ATXN1: variants seen among roughly 807,000 people sequenced by gnomAD.
ATXN1 encodes the protein ataxin-1.
ATXN1 carries 8 observed loss-of-function variants against 56.4 expected under a neutral mutation model. The observed-to-expected ratio is 0.14, with a 90% CI of 0.08 to 0.26. The LOEUF is 0.26. Ranked by LOEUF, ATXN1 falls within the 10% of genes least tolerant of loss-of-function variation. ATXN1 has a pLI of 1.00. For synonymous variants in ATXN1, 514 were observed against 494.6 expected (o/e 1.04, Z -0.52); for missense variants, 987 against 1,106.5 (o/e 0.89, Z 1.53).
chr6:16,606,890 G>GTGTGTGTGTGTGTGTGTGTGTGTGTTA (rs1763019726), intron 3 of ATXN1, among the ~76,000 whole-genome samples: 1 of 17,556 alleles, frequency 5.7e-5, no homozygotes, highest in South Asian at 4.0e-3. Context: ...TGTGTGTGTT[G>GTGTGTGTGTGTGTGTGTGTGTGTGTTA]TTTGTTTGTT....
intron 2 of ATXN1, among the ~76,000 whole-genome samples, chr6:16,688,185 T>C (rs956761804): frequency 1.3e-5 from 2 of 152,186 alleles, no homozygotes; most frequent in Admixed American, 6.5e-5. Context: ...TAAAACAATA[T>C]TGATGAATTT....
At chr6:16,740,839 A>G (rs1351043155) in intron 2 of ATXN1, among the ~76,000 whole-genome samples, 1 of 152,170 alleles carries the variant, frequency 6.6e-6, no homozygotes, top group Non-Finnish European at 1.5e-5. Context: ...AGCCTCTAAC[A>G]TCTAAATTTA....
chr6:16,706,823 C>G (rs1162698335), intron 2 of ATXN1, among the ~76,000 whole-genome samples: 1 of 152,080 alleles, frequency 6.6e-6, no homozygotes, highest in Non-Finnish European at 1.5e-5. Flanking sequence ...ATTCAGGCCT[C>G]CTAACTTTCT....
intron 4 of ATXN1, among the ~76,000 whole-genome samples, chr6:16,528,639 A>C (rs1468140612): frequency 1.3e-5 from 2 of 152,348 alleles, no homozygotes; most frequent in Admixed American, 6.5e-5. Context: ...CTGAGTGGCT[A>C]ATTTGTATGG....
chr6:16,384,082 C>T (rs886458761), intron 6 of ATXN1, among the ~76,000 whole-genome samples: 6 of 152,166 alleles, frequency 3.9e-5, no homozygotes, highest in Non-Finnish European at 8.8e-5. Context: ...GAAACGCATG[C>T]ACCTGATTGC....
intron 6 of ATXN1, among the ~76,000 whole-genome samples, chr6:16,389,229 C>T (rs112824481): frequency 0.012 from 1,802 of 151,346 alleles, 39 homozygotes; most frequent in African/African-American, 0.041. Flanking sequence ...CTCAGCTACT[C>T]GGGAGGCTGA....
In ATXN1 at chr6:16,725,607, T is replaced by C. The variant is rs185816200; in HGVS notation, c.-615+27626A>G. Among the ~76,000 whole-genome samples, 42 of 152,334 alleles carry C rather than the reference T, an allele frequency of 2.8e-4. No homozygotes were observed. The East Asian group carries it at 6.7e-3, about 24-fold the overall frequency. On this transcript the variant is annotated intron_variant, in intron 2 of 7. Coordinates refer to ENST00000436367, the MANE Select transcript of ATXN1 (RefSeq NM_001128164.2). Reference sequence around the variant, plus strand: ...TGAAAATAGTTTTAAAGTATTTCTCTTCCTTCCTCTCATCAGTAAGGTCAA... The same window carrying C: ...TGAAAATAGTTTTAAAGTATTTCTCCTCCTTCCTCTCATCAGTAAGGTCAA...
At chr6:16,733,583 A>C (rs1375344725) in intron 2 of ATXN1, among the ~76,000 whole-genome samples, 3 of 151,370 alleles carry the variant, frequency 2.0e-5, no homozygotes, top group African/African-American at 7.3e-5. Flanking sequence ...AAAAAGAAAC[A>C]GGCCAGGCAT....
intron 3 of ATXN1, among the ~76,000 whole-genome samples, chr6:16,588,063 G>C (rs1762659797): frequency 6.6e-6 from 1 of 151,828 alleles, no homozygotes; most frequent in Non-Finnish European, 1.5e-5. Context: ...AATAGATTCT[G>C]CCTCACCTAC....
chr6:16,621,432 T>G (rs534301264), intron 3 of ATXN1, among the ~76,000 whole-genome samples: 22 of 152,256 alleles, frequency 1.4e-4, no homozygotes, highest in African/African-American at 3.8e-4. Flanking sequence ...ATACAGAGAA[T>G]TAAACAAGGC....
intron 6 of ATXN1, among the ~76,000 whole-genome samples, chr6:16,439,223 T>C (rs1361286727): frequency 6.6e-6 from 1 of 151,476 alleles, no homozygotes; most frequent in African/African-American, 2.4e-5. Context: ...TCCTTTATAG[T>C]ATTACTATCT....
At chr6:16,571,923 A>G (rs1252537837) in intron 4 of ATXN1, among the ~76,000 whole-genome samples, 1 of 152,256 alleles carries the variant, frequency 6.6e-6, no homozygotes, top group Admixed American at 6.5e-5. Flanking sequence ...TCAGCCCCCC[A>G]AAGTGCTGGG....
intron 6 of ATXN1, among the ~76,000 whole-genome samples, chr6:16,417,454 C>CTT (rs1554145241): frequency 2.2e-5 from 3 of 133,960 alleles, no homozygotes; most frequent in South Asian, 2.7e-4. Context: ...TTTTTTTTTT[C>CTT]TTGAGACGGA....
intron 5 of ATXN1, among the ~76,000 whole-genome samples, chr6:16,491,717 G>A (rs1013873170): frequency 3.9e-5 from 6 of 152,128 alleles, no homozygotes; most frequent in African/African-American, 1.4e-4. Flanking sequence ...AGTAATCAAG[G>A]TTCTGCTGTT....
intron 2 of ATXN1, among the ~76,000 whole-genome samples, chr6:16,703,387 G>A (rs559143265): frequency 1.3e-5 from 2 of 152,222 alleles, no homozygotes; most frequent in East Asian, 1.9e-4. Context: ...TGTAAATGAC[G>A]ATTTAATGGG....
At chr6:16,604,513 CAA>C (rs1762967761) in intron 3 of ATXN1, among the ~76,000 whole-genome samples, 1 of 150,384 alleles carries the variant, frequency 6.6e-6, no homozygotes, top group Admixed American at 6.6e-5. Flanking sequence ...AAAAAGAAAA[CAA>C]AATTAAAAGA....
chr6:16,339,321 A>C (rs1342288432), intron 6 of ATXN1, among the ~76,000 whole-genome samples: 1 of 152,200 alleles, frequency 6.6e-6, no homozygotes, highest in Non-Finnish European at 1.5e-5. Context: ...GTGGGAACTG[A>C]GGTACTCTGG....
chr6:16,587,920 G>A (rs1382561293), intron 3 of ATXN1, among the ~76,000 whole-genome samples: 1 of 149,206 alleles, frequency 6.7e-6, no homozygotes, highest in Non-Finnish European at 1.5e-5. Flanking sequence ...ATCAACAGCG[G>A]AACTCTGTCT....
At chr6:16,741,748 G>A (rs1471369639) in intron 2 of ATXN1, among the ~76,000 whole-genome samples, 1 of 152,172 alleles carries the variant, frequency 6.6e-6, no homozygotes, top group Non-Finnish European at 1.5e-5. Flanking sequence ...TCAGAAAGAC[G>A]TTTCTTCATT....
Sources: gnomAD v4.1 joint callset for allele counts (sites outside exome capture counted in the v4.1 genomes callset) on GRCh38, gnomAD v4.1.1 for gene constraint, MANE v1.5 for transcripts, NCBI Gene and HGNC (gene_info 2026-07-23, HGNC 2026-07-21) for gene names.